NXPE2: variants seen among roughly 807,000 people sequenced by gnomAD.
The protein encoded by NXPE2 is neurexophilin and PC-esterase domain family member 2, also known as NXPE family member 2.
Under a neutral mutation model 34.4 loss-of-function variants are expected in NXPE2, and 34 were observed. The ratio of observed to expected loss-of-function variants is 0.99; its 90% confidence interval spans 0.75 to 1.31. NXPE2 has a LOEUF of 1.31. Among genes scored for constraint, NXPE2 ranks in the 40% most tolerant of loss-of-function variants. The pLI is 0.00. For missense variants in NXPE2, 649 were observed against 672.5 expected, an observed-to-expected ratio of 0.97 and a Z score of 0.39; for synonymous variants, 235 against 231.3, an observed-to-expected ratio of 1.02 and a Z score of -0.15.
the NXPE2 span, among the ~76,000 whole-genome samples, chr11:114,600,543 TGA>T: frequency 6.6e-6 from 1 of 152,062 alleles, no homozygotes; most frequent in Non-Finnish European, 1.5e-5. Context: ...AGAAAAAAAT[TGA>T]GTGACGTTCT....
At chr11:114,524,515 G>C in the NXPE2 span, among the ~76,000 whole-genome samples, 3 of 152,124 alleles carry the variant, frequency 2.0e-5, no homozygotes, top group Admixed American at 1.3e-4. Context: ...TGGTGATTTG[G>C]CTTACTAAAG....
At chr11:114,626,928 GATGAA>G in the NXPE2 span, among the ~76,000 whole-genome samples, 12 of 151,986 alleles carry the variant, frequency 7.9e-5, no homozygotes, top group Non-Finnish European at 1.5e-4. Context: ...AGTGATGGAA[GATGAA>G]ATGAATGAAA....
chr11:114,782,218 TC>T, the NXPE2 span, among the ~76,000 whole-genome samples: 1 of 152,238 alleles, frequency 6.6e-6, no homozygotes, highest in Non-Finnish European at 1.5e-5. Context: ...ATTGGTTGAA[TC>T]CATGGATACC....
At chr11:114,660,630 T>A in the NXPE2 span, among the ~76,000 whole-genome samples, 4 of 152,152 alleles carry the variant, frequency 2.6e-5, no homozygotes, top group African/African-American at 9.6e-5. Context: ...ATAAAGGCAT[T>A]TAGGAAAATC....
the NXPE2 span, among the ~76,000 whole-genome samples, chr11:114,796,692 A>G: frequency 6.6e-6 from 1 of 152,358 alleles, no homozygotes; most frequent in African/African-American, 2.4e-5. Context: ...GAATGTAAAG[A>G]TGAACACATT....
chr11:114,739,084 G>A, the NXPE2 span, among the ~76,000 whole-genome samples: 1 of 152,128 alleles, frequency 6.6e-6, no homozygotes, highest in African/African-American at 2.4e-5. Flanking sequence ...AAGCAGGCAA[G>A]TTTAAAGTGT....
At chr11:114,598,515 A>T in the NXPE2 span, among the ~76,000 whole-genome samples, 1 of 152,216 alleles carries the variant, frequency 6.6e-6, no homozygotes, top group Non-Finnish European at 1.5e-5. Flanking sequence ...CTGGACATAT[A>T]GGCTTTTCCA....
At chr11:114,538,133 C>T in the NXPE2 span, among the ~76,000 whole-genome samples, 2 of 152,122 alleles carry the variant, frequency 1.3e-5, no homozygotes, top group South Asian at 4.2e-4. Context: ...CACATATCTA[C>T]AACTATCTGA....
the NXPE2 span, chr11:114,522,820 C>A: frequency 5.4e-5 from 66 of 1,226,246 alleles, no homozygotes; most frequent in Non-Finnish European, 7.8e-5. Flanking sequence ...ATAGAGACCT[C>A]ATTAAAAGTA....
At chr11:114,726,001 A>C in the NXPE2 span, among the ~76,000 whole-genome samples, 1 of 144,894 alleles carries the variant, frequency 6.9e-6, no homozygotes, top group East Asian at 2.0e-4. Flanking sequence ...ATAAAAAGAA[A>C]AAGAAAACCA....
the NXPE2 span, among the ~76,000 whole-genome samples, chr11:114,731,979 C>T: frequency 6.6e-6 from 1 of 152,100 alleles, no homozygotes; most frequent in Non-Finnish European, 1.5e-5. Flanking sequence ...AACTGTGTAA[C>T]TCTCGTCTTG....
At chr11:114,649,543 G>A in the NXPE2 span, among the ~76,000 whole-genome samples, 1 of 152,316 alleles carries the variant, frequency 6.6e-6, no homozygotes, top group South Asian at 2.1e-4. Flanking sequence ...AAGCTATAGA[G>A]ACAGAAAGCC....
the NXPE2 span, among the ~76,000 whole-genome samples, chr11:114,562,910 A>G: frequency 8.5e-4 from 129 of 152,058 alleles, no homozygotes; most frequent in Non-Finnish European, 1.7e-3. Flanking sequence ...TAAGCCATAC[A>G]TGGTCGTTGG....
chr11:114,497,512 TTAAA>T, the NXPE2 span, among the ~76,000 whole-genome samples: 20,832 of 152,116 alleles, frequency 0.14, 1,547 homozygotes, highest in South Asian at 0.23. Flanking sequence ...TTAGATATGT[TTAAA>T]TACACAAATA....
At chr11:114,700,303 G>A (rs1326986352) in intron 3 of NXPE2, among the ~76,000 whole-genome samples, 1 of 152,150 alleles carries the variant, frequency 6.6e-6, no homozygotes, top group Non-Finnish European at 1.5e-5. Flanking sequence ...TAACATGAAG[G>A]TCATAAGAGT....
At chr11:114,520,865 T>C in the NXPE2 span, among the ~76,000 whole-genome samples, 3 of 152,254 alleles carry the variant, frequency 2.0e-5, no homozygotes, top group Admixed American at 1.3e-4. Flanking sequence ...ATACTTTACA[T>C]TGCATCAAAT....
the NXPE2 span, among the ~76,000 whole-genome samples, chr11:114,662,334 T>C: frequency 6.6e-6 from 1 of 152,112 alleles, no homozygotes; most frequent in Non-Finnish European, 1.5e-5. Context: ...CACCCACAGA[T>C]AGAGCATTTA....
chr11:114,582,995 G>C, the NXPE2 span: 14 of 1,613,052 alleles, frequency 8.7e-6, no homozygotes, highest in East Asian at 3.1e-4. Context: ...AATGGAGGGA[G>C]ATGGATAAGT....
chr11:114,640,813 C>T, the NXPE2 span, among the ~76,000 whole-genome samples: 4 of 151,790 alleles, frequency 2.6e-5, no homozygotes, highest in African/African-American at 9.7e-5. Flanking sequence ...TTTATTTTTT[C>T]TTCCTAATTT....
Sources: allele counts gnomAD v4.1 joint callset (sites outside exome capture counted in the v4.1 genomes callset), GRCh38; gene constraint gnomAD v4.1.1; transcripts MANE v1.5; gene names NCBI Gene and HGNC (gene_info 2026-07-23, HGNC 2026-07-21).